Variants in SASS6 observed in about 807,000 individuals in gnomAD.
SASS6 encodes spindle assembly abnormal protein 6 homolog.
Under a neutral mutation model 94.9 loss-of-function variants are expected in SASS6, and 59 were observed. The observed-to-expected ratio is 0.62, with a 90% CI of 0.50 to 0.77. The LOEUF (loss-of-function observed/expected upper bound fraction) is 0.77. Ranked by LOEUF, SASS6 falls within the 30% of genes least tolerant of loss-of-function variation. SASS6 has a pLI of 0.00. For missense variants in SASS6, 698 were observed against 734.1 expected (o/e 0.95, Z 0.57); for synonymous variants, 264 against 270.0 (o/e 0.98, Z 0.22).
At chr1:100,101,028 T>A (rs1204147850) in intron 14 of SASS6, among the ~76,000 whole-genome samples, 2 of 152,134 alleles carry the variant, frequency 1.3e-5, no homozygotes, top group Admixed American at 6.5e-5. Context: ...GCACTTATCA[T>A]GAACCAGGTA....
intron 13 of SASS6, among the ~76,000 whole-genome samples, chr1:100,104,750 G>A (rs552530576): frequency 4.3e-4 from 65 of 150,698 alleles, no homozygotes; most frequent in African/African-American, 1.3e-3. Flanking sequence ...ACAGGCATGA[G>A]CCATCGTGCC....
At chr1:100,116,673 TAAC>T (rs1265185751) in intron 7 of SASS6, among the ~76,000 whole-genome samples, 1 of 152,122 alleles carries the variant, frequency 6.6e-6, no homozygotes, top group African/African-American at 2.4e-5. Flanking sequence ...CAGATTCATA[TAAC>T]AATAAAAGGA....
At chr1:100,120,980 G>A (rs1654151688) in intron 5 of SASS6, among the ~76,000 whole-genome samples, 1 of 149,566 alleles carries the variant, frequency 6.7e-6, no homozygotes, top group Non-Finnish European at 1.5e-5. Flanking sequence ...AACCCGGGAG[G>A]CGGAGCTTGC....
chr1:100,123,504 C>T (rs1654354889), intron 2 of SASS6, among the ~76,000 whole-genome samples: 1 of 152,190 alleles, frequency 6.6e-6, no homozygotes, highest in Non-Finnish European at 1.5e-5. Flanking sequence ...ACATGGAGGT[C>T]TGTAAAAGTT....
chr1:100,129,054 C>CA (rs964208067), intron 1 of SASS6, among the ~76,000 whole-genome samples: 3 of 151,990 alleles, frequency 2.0e-5, no homozygotes, highest in African/African-American at 4.8e-5. Context: ...GCATGGGCAA[C>CA]ATAGCAAAAT....
intron 2 of SASS6, among the ~76,000 whole-genome samples, chr1:100,124,022 A>G (rs1269563582): frequency 6.6e-6 from 1 of 152,246 alleles, no homozygotes; most frequent in Non-Finnish European, 1.5e-5. Context: ...ATGTAAAACT[A>G]ATAAAGAACT....
In SASS6 at chr1:100,115,774, C is replaced by T. The variant is rs571505232; in HGVS notation, c.669+3244G>A. On this transcript the variant is annotated intron_variant, in intron 7 of 16. Coordinates refer to ENST00000287482, the MANE Select transcript of SASS6 (RefSeq NM_194292.3). ...GGTTGAGGCTGTAGTGAGCCATGATCGTGTCACTGCACTCCAGCCTGGGCA... is the reference window on the plus strand; with the variant it reads ...GGTTGAGGCTGTAGTGAGCCATGATTGTGTCACTGCACTCCAGCCTGGGCA... Among the ~76,000 whole-genome samples, 10 of 152,198 alleles carry T rather than the reference C, an allele frequency of 6.6e-5. No individual in the cohort carries two copies. In the East Asian group the frequency reaches 1.2e-3, roughly 18 times the overall value.
intron 12 of SASS6, among the ~76,000 whole-genome samples, chr1:100,106,217 C>T (rs1652890879): frequency 6.6e-6 from 1 of 151,994 alleles, no homozygotes; most frequent in Admixed American, 6.6e-5. Context: ...GTATGATACC[C>T]AGTAGTATAA....
At chr1:100,100,976 T>A (rs141378533) in intron 14 of SASS6, among the ~76,000 whole-genome samples, 1 of 152,316 alleles carries the variant, frequency 6.6e-6, no homozygotes, top group East Asian at 1.9e-4. Context: ...TTAATTTCTA[T>A]TTTTGAATAT....
intron 14 of SASS6, among the ~76,000 whole-genome samples, chr1:100,090,139 C>T (rs1304950094): frequency 6.6e-6 from 1 of 151,720 alleles, no homozygotes; most frequent in Non-Finnish European, 1.5e-5. Context: ...ATGCACAAAA[C>T]TAACTGGAAA....
Position 100,119,119 on chromosome 1 carries a change from G to T in SASS6, c.568C>A (p.Gln190Lys), listed in dbSNP as rs1653989563. Reference sequence around the variant, plus strand: ...TCATTCCGTAACTTATCTAATTCTTGTTTTTTTTCTGCTAATGTCTACATT... The same window carrying T: ...TCATTCCGTAACTTATCTAATTCTTTTTTTTTTTCTGCTAATGTCTACATT... Reference protein sequence around the residue: ...FTRKTLAEKKQELDKLRNEWA... With the variant: ...FTRKTLAEKKKELDKLRNEWA... Residue 190 changes from glutamine to lysine, a missense_variant, in exon 7 of 17, where the codon CAA (glutamine) becomes AAA (lysine). Coordinates refer to ENST00000287482, the MANE Select transcript of SASS6 (RefSeq NM_194292.3). 1.9e-6 allele frequency: 3 copies of T among 1,557,418 alleles called. No homozygotes were observed. The highest frequency in any genetic ancestry group is 1.2e-5 in the South Asian group (1 of 83,608).
At position 100,120,809 on chromosome 1, in the gene SASS6, G is replaced by A. The variant is rs970252101; in HGVS notation, c.484-350C>T. Among the ~76,000 whole-genome samples, 10 of 152,204 alleles carry A rather than the reference G, an allele frequency of 6.6e-5. No homozygotes were observed. The East Asian group carries it at 7.7e-4, about 12-fold the overall frequency. On this transcript the variant is annotated intron_variant, in intron 5 of 16. Coordinates refer to ENST00000287482, the MANE Select transcript of SASS6 (RefSeq NM_194292.3). Reference sequence around the variant, plus strand: ...CTCACGCCTGTAGTCCCAGCACTTTGGGAGGCCGAGGCGGGCGGATCACGA... The same window carrying A: ...CTCACGCCTGTAGTCCCAGCACTTTAGGAGGCCGAGGCGGGCGGATCACGA...
chr1:100,109,873 G>A (rs572292004), intron 8 of SASS6, among the ~76,000 whole-genome samples: 1 of 151,812 alleles, frequency 6.6e-6, no homozygotes, highest in South Asian at 2.1e-4. Flanking sequence ...TGCTCAGTAA[G>A]CATTAACTAT....
At chr1:100,110,756 T>C (rs1243599142) in intron 7 of SASS6, among the ~76,000 whole-genome samples, 1 of 151,872 alleles carries the variant, frequency 6.6e-6, no homozygotes, top group Non-Finnish European at 1.5e-5. Context: ...TATGTTTAGG[T>C]GCAACAGTCT....
intron 13 of SASS6, among the ~76,000 whole-genome samples, chr1:100,104,671 G>A (rs1171101628): frequency 6.6e-6 from 1 of 151,962 alleles, no homozygotes; most frequent in Non-Finnish European, 1.5e-5. Context: ...CGTTGCCCAG[G>A]CTGACCTCTT....
chr1:100,096,089 A>G (rs547995804), intron 14 of SASS6, among the ~76,000 whole-genome samples: 1 of 152,324 alleles, frequency 6.6e-6, no homozygotes, highest in East Asian at 1.9e-4. Context: ...ATCTAAAACA[A>G]TTTTGAAAAG....
At position 100,084,383 on chromosome 1, in the gene SASS6, A is replaced by T. The variant is rs1170648254; in HGVS notation, c.*945T>A. 3 of 152,048 alleles carry T rather than the reference A, an allele frequency of 2.0e-5. No homozygotes were observed. Among genetic ancestry groups the T allele is most frequent in the Admixed American group, 6.5e-5 (1 of 15,272 alleles). 9.4% of individuals were successfully genotyped at this position (152,048 alleles called of 1,614,324 possible). ...GGCCCTATGATTCTAGGTGAATTTT[A>T]AAAAAATTTTTCCCCAAGGAACAAT... On this transcript the variant is annotated 3_prime_UTR_variant, in exon 17 of 17. Coordinates refer to ENST00000287482, the MANE Select transcript of SASS6 (RefSeq NM_194292.3).
At chr1:100,129,308 T>C (rs948297387) in intron 1 of SASS6, among the ~76,000 whole-genome samples, 3 of 152,026 alleles carry the variant, frequency 2.0e-5, no homozygotes, top group African/African-American at 7.2e-5. Flanking sequence ...AACCATGGTC[T>C]CTGTCCTCAA....
chr1:100,110,386 TCAGA>T lies in SASS6; in HGVS notation c.763_766del (p.Glu256Ter), dbSNP rs1439626623. The T allele has an allele frequency of 2.5e-6, 4 of 1,608,808 alleles. No individual in the cohort carries two copies. Among genetic ancestry groups the T allele is most frequent in the Non-Finnish European group, 3.4e-6 (4 of 1,175,570 alleles). On this transcript the variant is annotated frameshift_variant, in exon 8 of 17. Transcript: ENST00000287482. LOFTEE classifies it high-confidence loss of function. ...TAAGTCTTTATTAGCCGCTTCTAACTCAGACAGTCTGTTTTGTAGCTGGTGGATG... is the reference window on the plus strand; with the variant it reads ...TAAGTCTTTATTAGCCGCTTCTAACTCAGTCTGTTTTGTAGCTGGTGGATG...
Sources: allele counts gnomAD v4.1 joint callset (sites outside exome capture counted in the v4.1 genomes callset), GRCh38; gene constraint gnomAD v4.1.1; transcripts MANE v1.5; gene names NCBI Gene and HGNC (gene_info 2026-07-23, HGNC 2026-07-21).